CFTR: variants seen among roughly 807,000 people sequenced by gnomAD.
CFTR encodes CF transmembrane conductance regulator.
CFTR carries 181 observed loss-of-function variants against 171.6 expected under a neutral mutation model. That is an observed-to-expected ratio of 1.05 (90% confidence interval 0.93 to 1.19). The LOEUF (loss-of-function observed/expected upper bound fraction) is 1.19, where lower values mean the gene tolerates loss of function less well. CFTR is among the 50% of genes most tolerant of loss of function. The pLI, the probability that CFTR is intolerant of heterozygous loss-of-function variation, is 0.00. For synonymous variants in CFTR, 583 were observed against 608.0 expected, an observed-to-expected ratio of 0.96 and a Z score of 0.60; for missense variants, 1,968 against 1,734.7, an observed-to-expected ratio of 1.13 and a Z score of -2.39.
chr7:117,626,580 G>T (rs1423647650), intron 21 of CFTR, among the ~76,000 whole-genome samples: 2 of 151,974 alleles, frequency 1.3e-5, no homozygotes, highest in Non-Finnish European at 2.9e-5. Flanking sequence ...ATCAAAGATG[G>T]TATCTTTTAA....
chr7:117,494,048 T>C (rs1345308201), intron 1 of CFTR, among the ~76,000 whole-genome samples: 4 of 152,182 alleles, frequency 2.6e-5, no homozygotes, highest in Non-Finnish European at 5.9e-5. Flanking sequence ...GGCAGAATCC[T>C]AGAGACCAAC....
At chr7:117,563,863 A>G (rs965461876) in intron 11 of CFTR, among the ~76,000 whole-genome samples, 9 of 152,148 alleles carry the variant, frequency 5.9e-5, no homozygotes, top group Non-Finnish European at 1.2e-4. Context: ...TGACTTTTGG[A>G]ACTGATTTAG....
At chr7:117,572,504 T>C (rs1056870024) in intron 11 of CFTR, among the ~76,000 whole-genome samples, 4 of 152,240 alleles carry the variant, frequency 2.6e-5, no homozygotes, top group African/African-American at 9.6e-5. Context: ...AGTTGAATTA[T>C]GTTGATAGAT....
At chr7:117,633,893 G>A (rs746129403) in intron 22 of CFTR, among the ~76,000 whole-genome samples, 2 of 151,944 alleles carry the variant, frequency 1.3e-5, no homozygotes, top group Non-Finnish European at 2.9e-5. Flanking sequence ...TGTTGAGTTC[G>A]ATTTGCTAAT....
intron 20 of CFTR, 106 bp from the exon 21 acceptor site, chr7:117,614,507 A>G (rs1562915979): frequency 5.1e-6 from 4 of 779,012 alleles, no homozygotes; most frequent in Non-Finnish European, 9.3e-6. Flanking sequence ...CATAAAATTG[A>G]AATGTAAATT....
intron 15 of CFTR, among the ~76,000 whole-genome samples, chr7:117,597,931 A>G (rs893088163): frequency 6.6e-6 from 1 of 152,142 alleles, no homozygotes; most frequent in Non-Finnish European, 1.5e-5. Context: ...ATGGATCATG[A>G]GCAGCCACAT....
chr7:117,541,769 A>T (rs1385015324), intron 8 of CFTR, among the ~76,000 whole-genome samples: 1 of 152,184 alleles, frequency 6.6e-6, no homozygotes, highest in Non-Finnish European at 1.5e-5. Context: ...TTGTATGTTA[A>T]ATCTAATGTA....
intron 21 of CFTR, among the ~76,000 whole-genome samples, chr7:117,622,301 T>G (rs560252383): frequency 1.6e-4 from 24 of 152,322 alleles, no homozygotes; most frequent in African/African-American, 5.3e-4. Context: ...GAGTCTGTTT[T>G]CTTGCTATTA....
chr7:117,613,268 T>C (rs1011423006), intron 20 of CFTR, among the ~76,000 whole-genome samples: 2 of 152,224 alleles, frequency 1.3e-5, no homozygotes, highest in Non-Finnish European at 2.9e-5. Context: ...TTGAGTGTGA[T>C]TGAGTCTTGA....
chr7:117,581,895 A>G (rs1017370198), intron 11 of CFTR, among the ~76,000 whole-genome samples: 2 of 151,890 alleles, frequency 1.3e-5, no homozygotes, highest in African/African-American at 2.4e-5. Flanking sequence ...TAGGACTACT[A>G]CAGGTGTGTG....
At chr7:117,609,097 C>A (rs1447819537) in intron 18 of CFTR, among the ~76,000 whole-genome samples, 2 of 152,256 alleles carry the variant, frequency 1.3e-5, no homozygotes, top group African/African-American at 4.8e-5. Context: ...TCCTGTTACC[C>A]ATGGTTCTGT....
intron 3 of CFTR, among the ~76,000 whole-genome samples, chr7:117,523,533 C>T (rs1360877046): frequency 6.6e-6 from 1 of 151,990 alleles, no homozygotes; most frequent in African/African-American, 2.4e-5. Flanking sequence ...CCCGCCTCCA[C>T]GCCCAGCTAA....
chr7:117,597,396 G>T (rs1461597834), intron 15 of CFTR, among the ~76,000 whole-genome samples: 1 of 152,170 alleles, frequency 6.6e-6, no homozygotes, highest in Non-Finnish European at 1.5e-5. Context: ...CAATTTGACT[G>T]CAGAAAATGG....
intron 11 of CFTR, among the ~76,000 whole-genome samples, chr7:117,578,652 TGAAAC>T (rs1048680569): frequency 1.3e-5 from 2 of 152,162 alleles, no homozygotes; most frequent in Non-Finnish European, 2.9e-5. Flanking sequence ...TATTTATAAA[TGAAAC>T]TCACATTTTA....
intron 11 of CFTR, among the ~76,000 whole-genome samples, chr7:117,569,532 C>T (rs562665427): frequency 5.7e-4 from 86 of 152,148 alleles, no homozygotes; most frequent in African/African-American, 1.8e-3. Flanking sequence ...TATACAAATG[C>T]GCTCAATCTG....
chr7:117,540,466 A>G (rs1424630701), intron 8 of CFTR, 120 bp downstream of exon 8: 2 of 888,808 alleles, frequency 2.3e-6, no homozygotes, highest in East Asian at 2.6e-5. Context: ...TTCACTAGGA[A>G]GTTATAAAAG....
At chr7:117,607,897 G>A (rs974203350) in intron 18 of CFTR, among the ~76,000 whole-genome samples, 8 of 152,158 alleles carry the variant, frequency 5.3e-5, no homozygotes, top group Admixed American at 4.6e-4. Context: ...AAATCCATGC[G>A]TTGAATTCAT....
intron 18 of CFTR, among the ~76,000 whole-genome samples, chr7:117,607,778 G>A (rs1792323919): frequency 6.6e-6 from 1 of 152,194 alleles, no homozygotes; most frequent in South Asian, 2.1e-4. Context: ...CATCTGAAAT[G>A]ATTGACACAA....
At chr7:117,610,491 C>T (rs753225212) in intron 18 of CFTR, 28 bp from the exon 19 acceptor site, 2 of 1,601,600 alleles carry the variant, frequency 1.2e-6, no homozygotes, top group Non-Finnish European at 1.7e-6. Context: ...AATGTTTACT[C>T]ACCAACATGT....
Sources: allele counts gnomAD v4.1 joint callset (sites outside exome capture counted in the v4.1 genomes callset), GRCh38; gene constraint gnomAD v4.1.1; transcripts MANE v1.5; gene names NCBI Gene and HGNC (gene_info 2026-07-23, HGNC 2026-07-21).